The following HS3ST2 variants were observed in gnomAD, a reference collection of about 807,000 sequenced individuals.
HS3ST2 encodes heparan sulfate-glucosamine 3-sulfotransferase 2.
A neutral mutation model predicts 26.3 loss-of-function variants in HS3ST2; 17 were observed. The observed-to-expected ratio is 0.65, with a 90% CI of 0.44 to 0.97. The LOEUF is 0.97. HS3ST2 is among the 50% of genes least tolerant of loss of function. HS3ST2 has a pLI of 0.00. For missense variants in HS3ST2, 402 were observed against 501.2 expected, an observed-to-expected ratio of 0.80 and a Z score of 1.89; for synonymous variants, 237 against 219.2, an observed-to-expected ratio of 1.08 and a Z score of -0.72.
At chr16:22,901,675 T>C (rs1189811182) in intron 1 of HS3ST2, among the ~76,000 whole-genome samples, 1 of 152,206 alleles carries the variant, frequency 6.6e-6, no homozygotes, top group African/African-American at 2.4e-5. Flanking sequence ...GAGCTGTACA[T>C]GCAGCAGCAA....
intron 1 of HS3ST2, among the ~76,000 whole-genome samples, chr16:22,865,465 A>G (rs1044010964): frequency 6.6e-6 from 1 of 151,998 alleles, no homozygotes; most frequent in Admixed American, 6.6e-5. Context: ...CTGAGGCAGG[A>G]GAATTGCTTG....
intron 1 of HS3ST2, among the ~76,000 whole-genome samples, chr16:22,817,915 G>C (rs2141172661): frequency 6.6e-6 from 1 of 152,320 alleles, no homozygotes; most frequent in South Asian, 2.1e-4. Context: ...GGTAAATGGA[G>C]ATAAAGCTGA....
At chr16:22,865,282 C>T (rs1044062946) in intron 1 of HS3ST2, among the ~76,000 whole-genome samples, 13 of 151,926 alleles carry the variant, frequency 8.6e-5, no homozygotes, top group Non-Finnish European at 1.0e-4. Flanking sequence ...AGGCCGGGCG[C>T]GGTGGCTCAT....
chr16:22,901,214 G>A (rs1215511002), intron 1 of HS3ST2, among the ~76,000 whole-genome samples: 1 of 152,162 alleles, frequency 6.6e-6, no homozygotes, highest in Admixed American at 6.5e-5. Flanking sequence ...TCCAATCCAG[G>A]CTTTCTGAAT....
intron 1 of HS3ST2, among the ~76,000 whole-genome samples, chr16:22,873,251 T>A (rs1274731961): frequency 6.6e-6 from 1 of 152,182 alleles, no homozygotes; most frequent in African/African-American, 2.4e-5. Flanking sequence ...CAGCACCACT[T>A]CTCTGAGCCT....
intron 1 of HS3ST2, among the ~76,000 whole-genome samples, chr16:22,836,137 ATG>A (rs965050493): frequency 6.6e-6 from 1 of 152,226 alleles, no homozygotes. Flanking sequence ...AAGCATCTTT[ATG>A]ATACTGAAAA....
chr16:22,883,594 T>G (rs1902021971), intron 1 of HS3ST2, among the ~76,000 whole-genome samples: 1 of 152,166 alleles, frequency 6.6e-6, no homozygotes, highest in Non-Finnish European at 1.5e-5. Flanking sequence ...CTGGTTTTTG[T>G]TTTTTGTGGT....
At chr16:22,905,075 T>G (rs1470103728) in intron 1 of HS3ST2, among the ~76,000 whole-genome samples, 1 of 152,250 alleles carries the variant, frequency 6.6e-6, no homozygotes, top group Non-Finnish European at 1.5e-5. Context: ...GCAATGATTT[T>G]CAAGGAGCTT....
At chr16:22,849,703 G>A (rs1367822191) in intron 1 of HS3ST2, among the ~76,000 whole-genome samples, 1 of 152,178 alleles carries the variant, frequency 6.6e-6, no homozygotes, top group Non-Finnish European at 1.5e-5. Flanking sequence ...TGTCTGCCTG[G>A]AGGCAGCTTC....
intron 1 of HS3ST2, among the ~76,000 whole-genome samples, chr16:22,869,021 T>C (rs2283531): frequency 0.12 from 18,037 of 151,582 alleles, 1,755 homozygotes; most frequent in East Asian, 0.41. Context: ...TGTGATCCTC[T>C]GAACAGCAGT....
chr16:22,876,794 C>G (rs572391624), intron 1 of HS3ST2, among the ~76,000 whole-genome samples: 1 of 152,310 alleles, frequency 6.6e-6, no homozygotes, highest in South Asian at 2.1e-4. Context: ...GAATACTACT[C>G]AGCCATAAAA....
intron 1 of HS3ST2, among the ~76,000 whole-genome samples, chr16:22,878,138 C>T (rs1901943668): frequency 2.6e-5 from 4 of 152,364 alleles, no homozygotes; most frequent in African/African-American, 9.6e-5. Flanking sequence ...TCCAAGTGCA[C>T]TGCTCAAATA....
intron 1 of HS3ST2, among the ~76,000 whole-genome samples, chr16:22,891,166 C>T (rs910863569): frequency 6.6e-6 from 1 of 152,184 alleles, no homozygotes; most frequent in Non-Finnish European, 1.5e-5. Flanking sequence ...GCATGTTTTG[C>T]AAGACTCAGG....
chr16:22,847,862 AAG>A (rs1208081076), intron 1 of HS3ST2, among the ~76,000 whole-genome samples: 4 of 151,278 alleles, frequency 2.6e-5, no homozygotes, highest in African/African-American at 7.3e-5. Flanking sequence ...GAAGGAGAAA[AAG>A]AAAAAAAAAG....
At chr16:22,891,035 G>T (rs1414054502) in intron 1 of HS3ST2, among the ~76,000 whole-genome samples, 1 of 152,168 alleles carries the variant, frequency 6.6e-6, no homozygotes, top group Non-Finnish European at 1.5e-5. Flanking sequence ...ATTAGTTGTG[G>T]AATTTTAAAA....
intron 1 of HS3ST2, among the ~76,000 whole-genome samples, chr16:22,834,810 G>A (rs892784703): frequency 6.6e-6 from 1 of 151,726 alleles, no homozygotes; most frequent in African/African-American, 2.4e-5. Context: ...TTGACTATTA[G>A]CAACCTATTT....
rs530776358 is a variant in HS3ST2, at chr16:22,814,434, C to A, written c.-177C>A. ...CCCGAGGAGCCGCTGCCCCCGGGAC[C>A]CCCTGGCACTGTGCGCACCCTGGTC... On this transcript the variant is annotated 5_prime_UTR_variant, in exon 1 of 2. Coordinates refer to ENST00000261374, the MANE Select transcript of HS3ST2 (RefSeq NM_006043.2). 9 of 519,682 alleles carry A rather than the reference C, an allele frequency of 1.7e-5. No individual in the cohort carries two copies. The highest frequency in any genetic ancestry group is 1.3e-4 in the Admixed American group (3 of 23,506). The allele number at this position is 519,682 out of a possible 1,614,324, so 32.2% of individuals were successfully genotyped here.
chr16:22,844,066 G>T (rs1452468497), intron 1 of HS3ST2, among the ~76,000 whole-genome samples: 1 of 151,422 alleles, frequency 6.6e-6, no homozygotes, highest in East Asian at 1.9e-4. Flanking sequence ...AACACCACAC[G>T]TCTTCTTACT....
At chr16:22,905,152 A>AT (rs1177781432) in intron 1 of HS3ST2, among the ~76,000 whole-genome samples, 1 of 152,230 alleles carries the variant, frequency 6.6e-6, no homozygotes, top group Non-Finnish European at 1.5e-5. Flanking sequence ...CAGAACACAT[A>AT]TAAAGAGTGT....
Sources: allele counts gnomAD v4.1 joint callset (sites outside exome capture counted in the v4.1 genomes callset), GRCh38; gene constraint gnomAD v4.1.1; transcripts MANE v1.5; gene names NCBI Gene and HGNC (gene_info 2026-07-23, HGNC 2026-07-21).